The following PHACTR1 variants were observed in gnomAD, a reference collection of about 807,000 sequenced individuals.
The protein encoded by PHACTR1 is phosphatase and actin regulator 1.
PHACTR1 carries 16 observed loss-of-function variants against 69.2 expected under a neutral mutation model. The ratio of observed to expected loss-of-function variants is 0.23; its 90% confidence interval spans 0.16 to 0.35. The LOEUF (loss-of-function observed/expected upper bound fraction) is 0.35. Ranked by LOEUF, PHACTR1 falls within the 10% of genes least tolerant of loss-of-function variation. The probability of loss-of-function intolerance (pLI) is 1.00; values close to 1 mark genes in which losing one functional copy is unlikely to be tolerated. For synonymous variants in PHACTR1, 312 were observed against 284.5 expected (o/e 1.10, Z -0.97); for missense variants, 510 against 734.7 (o/e 0.69, Z 3.54).
At chr6:13,229,179 C>T (rs1008452470) in intron 9 of PHACTR1, among the ~76,000 whole-genome samples, 15 of 152,204 alleles carry the variant, frequency 9.9e-5, no homozygotes, top group African/African-American at 1.4e-4. Flanking sequence ...TCAGCACTCC[C>T]GGCATTTGGG....
chr6:12,786,770 G>A (rs1479869204), intron 4 of PHACTR1, among the ~76,000 whole-genome samples: 6 of 152,184 alleles, frequency 3.9e-5, no homozygotes, highest in African/African-American at 7.2e-5. Flanking sequence ...TCAGAACCAC[G>A]TAACTGAACC....
At chr6:12,795,202 A>C (rs1002386053) in intron 4 of PHACTR1, among the ~76,000 whole-genome samples, 1 of 151,806 alleles carries the variant, frequency 6.6e-6, no homozygotes, top group Admixed American at 6.6e-5. Flanking sequence ...ATAATTTACA[A>C]GATGATATTT....
rs539046328 is a variant in PHACTR1 at position 13,073,874 on chromosome 6, C to CT, written c.415+20359dup. On this transcript the variant is annotated intron_variant, in intron 5 of 14. Transcript: ENST00000332995. ...GTAGTAGAGTTCATATTTTCTTTTTCTTTTTTTTTTTTTTCTGAGATGGAG... is the reference window on the plus strand; with the variant it reads ...GTAGTAGAGTTCATATTTTCTTTTTCTTTTTTTTTTTTTTTCTGAGATGGAG... Among the ~76,000 whole-genome samples, 583 of 141,084 alleles carry CT rather than the reference C, an allele frequency of 4.1e-3. 3 individuals are homozygous for CT. Among genetic ancestry groups the CT allele is most frequent in the East Asian group, 0.035 (171 of 4,868 alleles). 92.6% of individuals were successfully genotyped at this position (141,084 alleles called of 152,430 possible).
intron 6 of PHACTR1, among the ~76,000 whole-genome samples, chr6:13,174,511 A>G (rs993334532): frequency 6.6e-6 from 1 of 152,244 alleles, no homozygotes; most frequent in South Asian, 2.1e-4. Context: ...CTTCACTTAC[A>G]TAATGTTTCT....
intron 4 of PHACTR1, among the ~76,000 whole-genome samples, chr6:12,943,629 A>T (rs1244593858): frequency 6.6e-6 from 1 of 152,180 alleles, no homozygotes; most frequent in Non-Finnish European, 1.5e-5. Flanking sequence ...TCTATCCTCA[A>T]ATAATTTAGA....
rs1286888114 is a variant in PHACTR1, at chr6:13,272,782, T to C, written c.1392-78T>C. 3.1e-6 allele frequency: 5 copies of C among 1,613,732 alleles called. No individual in the cohort carries two copies. The Admixed American group carries it at 8.3e-5, about 27-fold the overall frequency. On this transcript the variant is annotated intron_variant, in intron 10 of 14. Coordinates refer to ENST00000332995, the MANE Select transcript of PHACTR1 (RefSeq NM_030948.6). ...CTCCAGCCACTGACTGTCTCATGTA[T>C]CTGCAAGGGCCGAGGAAATTAATGA...
intron 4 of PHACTR1, among the ~76,000 whole-genome samples, chr6:13,009,763 G>T (rs571215092): frequency 6.6e-5 from 10 of 152,124 alleles, no homozygotes; most frequent in African/African-American, 1.9e-4. Flanking sequence ...AACTCCATTT[G>T]CTGGCTGTAA....
intron 10 of PHACTR1, among the ~76,000 whole-genome samples, chr6:13,263,148 A>G (rs1308999153): frequency 6.6e-6 from 1 of 152,046 alleles, no homozygotes; most frequent in Non-Finnish European, 1.5e-5. Flanking sequence ...CCTGCTCTGC[A>G]TACATTTAAA....
Position 12,880,409 on chromosome 6 carries a change from C to A in PHACTR1, c.250+130619C>A, listed in dbSNP as rs148569717. On this transcript the variant is annotated intron_variant, in intron 4 of 14. Transcript: ENST00000332995. The stretch of plus-strand genomic sequence containing the variant: ...CTGTCAGAGACTTGATACAGGCACA[C>A]ACTACCTGGCTAATTCTTGTATTTT... Among the ~76,000 whole-genome samples the A allele has an allele frequency of 2.9e-3, 441 of 152,162 alleles. 1 individual carries two copies. The highest frequency in any genetic ancestry group is 0.01 in the African/African-American group (423 of 41,534).
intron 7 of PHACTR1, among the ~76,000 whole-genome samples, chr6:13,183,011 G>A (rs541763073): frequency 2.6e-5 from 4 of 152,234 alleles, no homozygotes; most frequent in African/African-American, 4.8e-5. Context: ...AGATAAAGCT[G>A]AGGAATCCTA....
chr6:12,784,778 G>T (rs1024566385), intron 4 of PHACTR1, among the ~76,000 whole-genome samples: 1 of 151,444 alleles, frequency 6.6e-6, no homozygotes, highest in African/African-American at 2.4e-5. Context: ...GCAATGGCAC[G>T]ATCTTGGCTC....
intron 4 of PHACTR1, among the ~76,000 whole-genome samples, chr6:12,976,147 A>G (rs1794854903): frequency 1.3e-5 from 2 of 152,238 alleles, no homozygotes. Flanking sequence ...CAGCTGGCCA[A>G]GGAATTCTAA....
At chr6:13,242,602 C>A (rs926909671) in intron 10 of PHACTR1, among the ~76,000 whole-genome samples, 13 of 152,152 alleles carry the variant, frequency 8.5e-5, no homozygotes, top group African/African-American at 3.1e-4. Flanking sequence ...TGAATTTGCA[C>A]CTAAGGCTAA....
intron 5 of PHACTR1, among the ~76,000 whole-genome samples, chr6:13,070,667 T>C (rs1367715319): frequency 6.6e-6 from 1 of 152,128 alleles, no homozygotes; most frequent in Non-Finnish European, 1.5e-5. Flanking sequence ...GGTAGGTAAG[T>C]TTTAAACATA....
At chr6:13,120,749 G>A (rs1818590808) in intron 5 of PHACTR1, among the ~76,000 whole-genome samples, 1 of 152,200 alleles carries the variant, frequency 6.6e-6, no homozygotes, top group South Asian at 2.1e-4. Context: ...AAAACAGGGG[G>A]CATGGGGAAA....
At chr6:12,836,497 G>A (rs1218724925) in intron 4 of PHACTR1, among the ~76,000 whole-genome samples, 4 of 152,116 alleles carry the variant, frequency 2.6e-5, no homozygotes, top group Admixed American at 2.6e-4. Context: ...CAGAAGAATG[G>A]AACATCTCCA....
At chr6:12,952,836 A>G (rs1209317600) in intron 4 of PHACTR1, among the ~76,000 whole-genome samples, 1 of 152,188 alleles carries the variant, frequency 6.6e-6, no homozygotes, top group Non-Finnish European at 1.5e-5. Flanking sequence ...CCAGCAATAA[A>G]TGAGGGTTCC....
chr6:13,207,590 A>ATGTGTGTG (rs112423592), intron 8 of PHACTR1, among the ~76,000 whole-genome samples: 19 of 150,794 alleles, frequency 1.3e-4, no homozygotes, highest in African/African-American at 4.1e-4. Flanking sequence ...ACATGAGTGT[A>ATGTGTGTG]TGTGTGTGTG....
chr6:13,178,631 A>T (rs1474854818), intron 6 of PHACTR1, among the ~76,000 whole-genome samples: 1 of 152,212 alleles, frequency 6.6e-6, no homozygotes, highest in Admixed American at 6.5e-5. Flanking sequence ...CCCATGTCTC[A>T]TCCTGCCTTC....
Sources: allele counts gnomAD v4.1 joint callset (sites outside exome capture counted in the v4.1 genomes callset), GRCh38; gene constraint gnomAD v4.1.1; transcripts MANE v1.5; gene names NCBI Gene and HGNC (gene_info 2026-07-23, HGNC 2026-07-21).